The following IGSF21 variants were observed in gnomAD, a reference collection of about 807,000 sequenced individuals.
IGSF21 encodes immunoglobin superfamily member 21.
A neutral mutation model predicts 46.8 loss-of-function variants in IGSF21; 28 were observed. The observed-to-expected ratio is 0.60, with a 90% CI of 0.44 to 0.82. The LOEUF is 0.82. Among genes scored for constraint, IGSF21 ranks in the 40% least tolerant of loss-of-function variants. The pLI is 0.00. For missense variants in IGSF21, 624 were observed against 665.5 expected (o/e 0.94, Z 0.69); for synonymous variants, 284 against 273.6 (o/e 1.04, Z -0.38).
chr1:18,228,931 G>A (rs2084596839), intron 2 of IGSF21, among the ~76,000 whole-genome samples: 1 of 152,228 alleles, frequency 6.6e-6, no homozygotes, highest in Admixed American at 6.5e-5. Context: ...ATGGCTGTGT[G>A]TCAATGAAAC....
Position 18,306,433 on chromosome 1 carries a change from G to T in IGSF21, c.305+14446G>T, listed in dbSNP as rs545937549. On this transcript the variant is annotated intron_variant, in intron 3 of 9. Coordinates refer to ENST00000251296, the MANE Select transcript of IGSF21 (RefSeq NM_032880.5). Reference sequence around the variant, plus strand: ...CCCATCATTCTTAACCCATTGATCCGATTTGTTTGCTTGTTTTTTAAAGCA... The same window carrying T: ...CCCATCATTCTTAACCCATTGATCCTATTTGTTTGCTTGTTTTTTAAAGCA... 1.3e-3 allele frequency among the ~76,000 whole-genome samples: 205 copies of T among 152,136 alleles called. 1 individual carries two copies. The highest frequency in any genetic ancestry group is 4.7e-3 in the African/African-American group (195 of 41,496).
At chr1:18,212,685 C>G (rs1328623168) in intron 1 of IGSF21, among the ~76,000 whole-genome samples, 1 of 152,206 alleles carries the variant, frequency 6.6e-6, no homozygotes, top group East Asian at 1.9e-4. Flanking sequence ...AGGGGGGGTC[C>G]TGGCCCCTCT....
chr1:18,300,457 T>G (rs927948214), intron 3 of IGSF21, among the ~76,000 whole-genome samples: 3 of 152,232 alleles, frequency 2.0e-5, no homozygotes, highest in African/African-American at 7.2e-5. Context: ...GCCAGACCAC[T>G]TTTAATTGAA....
At chr1:18,117,515 C>G (rs1342571) in intron 1 of IGSF21, among the ~76,000 whole-genome samples, 4 of 152,148 alleles carry the variant, frequency 2.6e-5, no homozygotes, top group Middle Eastern at 6.8e-3. Flanking sequence ...TTTCTTCAAC[C>G]GCACTTGTCA....
At chr1:18,278,361 TCCTGA>T (rs2085124342) in intron 2 of IGSF21, among the ~76,000 whole-genome samples, 1 of 151,956 alleles carries the variant, frequency 6.6e-6, no homozygotes, top group Non-Finnish European at 1.5e-5. Context: ...TGCCTCAGCC[TCCTGA>T]GTAGCTGGGA....
intron 1 of IGSF21, among the ~76,000 whole-genome samples, chr1:18,172,064 A>T (rs2086742319): frequency 1.3e-5 from 2 of 152,228 alleles, no homozygotes; most frequent in Non-Finnish European, 2.9e-5. Context: ...CCTTGCAGCC[A>T]TGCTTACAGG....
intron 3 of IGSF21, among the ~76,000 whole-genome samples, chr1:18,331,216 C>T (rs967934125): frequency 6.6e-6 from 1 of 152,146 alleles, no homozygotes; most frequent in East Asian, 1.9e-4. Context: ...ATCACCCGAG[C>T]AGTATGCCCT....
Position 18,365,248 on chromosome 1 carries a change from C to G in IGSF21, c.566C>G (p.Pro189Arg). The G allele has an allele frequency of 2.5e-6, 4 of 1,605,132 alleles. No homozygotes were observed. Among genetic ancestry groups the G allele is most frequent in the Non-Finnish European group, 3.4e-6 (4 of 1,174,538 alleles). The part of the protein sequence containing the change: ...PMVYFKRDGE[P>R]IDAVPLSEPP... ...GTTTATTTCAAACGAGATGGGGAAC[C>G]AATCGACGCAGTGCCCCTATCAGAG... The change falls in exon 6 of 10, where the codon CCA becomes CGA. Residue 189 changes from proline to arginine, a missense_variant. Physicochemically the swap from Pro to Arg is moderately radical, Grantham distance 103. Transcript: ENST00000251296. This position sits in a 1 kb window ranked among gnomAD's most constrained non-coding sequence, Gnocchi z 4.8.
intron 5 of IGSF21, 99 bp downstream of exon 5, chr1:18,362,329 A>G (rs1318276318): frequency 4.7e-6 from 4 of 855,472 alleles, no homozygotes; most frequent in African/African-American, 1.7e-5. Flanking sequence ...CTGGAAAGGG[A>G]GTGGTTGGCC....
At chr1:18,192,516 T>C (rs1229623972) in intron 1 of IGSF21, among the ~76,000 whole-genome samples, 1 of 152,226 alleles carries the variant, frequency 6.6e-6, no homozygotes, top group Non-Finnish European at 1.5e-5. Context: ...CTACTGGTGT[T>C]GTCCTGTGAC....
chr1:18,134,204 T>C (rs1004319954), intron 1 of IGSF21, among the ~76,000 whole-genome samples: 14 of 152,154 alleles, frequency 9.2e-5, no homozygotes, highest in African/African-American at 3.1e-4. Context: ...TGGCCCCCCT[T>C]AACCCTCCTC....
chr1:18,282,461 G>A (rs1053319334), intron 2 of IGSF21, among the ~76,000 whole-genome samples: 21 of 152,086 alleles, frequency 1.4e-4, no homozygotes, highest in Non-Finnish European at 2.6e-4. Context: ...TGCTGCATGG[G>A]AGGTGGAGAA....
chr1:18,278,871 A>G (rs995961223), intron 2 of IGSF21: 1 of 471,560 alleles, frequency 2.1e-6, no homozygotes, highest in Non-Finnish European at 4.4e-6. Context: ...TCACATTTTA[A>G]TTGTGGAAGC....
intron 4 of IGSF21, among the ~76,000 whole-genome samples, chr1:18,353,108 A>G (rs1439101760): frequency 6.6e-6 from 1 of 151,000 alleles, no homozygotes; most frequent in Non-Finnish European, 1.5e-5. Context: ...CTCTCCTGTC[A>G]CTGATGGCGG....
chr1:18,335,054 C>T lies in IGSF21; in HGVS notation c.424+44C>T, dbSNP rs375968096. The T allele has an allele frequency of 5.9e-5, 86 of 1,456,360 alleles. No individual in the cohort carries two copies. The highest frequency in any genetic ancestry group is 1.7e-4 in the Middle Eastern group (1 of 5,756). The allele number at this position is 1,456,360 out of a possible 1,614,324, so 90.2% of individuals were successfully genotyped here. ...GCCCCTGGTGTCTCAGTGAGGAGGA[C>T]GAGTATGCTTGAGTGTGTGAATGTG... On this transcript the variant is annotated intron_variant, in intron 4 of 9. Coordinates refer to ENST00000251296, the MANE Select transcript of IGSF21 (RefSeq NM_032880.5). The surrounding 1 kb of genome is among the most constrained non-coding windows in gnomAD (Gnocchi z 4.8).
intron 2 of IGSF21, among the ~76,000 whole-genome samples, chr1:18,239,169 C>T (rs1022613430): frequency 1.3e-5 from 2 of 152,114 alleles, no homozygotes; most frequent in Non-Finnish European, 2.9e-5. Flanking sequence ...TTCCTATGCC[C>T]TGTTGGGTTT....
chr1:18,270,053 ACCCCGGGC>A (rs1456895951), intron 2 of IGSF21, among the ~76,000 whole-genome samples: 1 of 152,066 alleles, frequency 6.6e-6, no homozygotes, highest in African/African-American at 2.4e-5. Context: ...TTTCTCAAGG[ACCCCGGGC>A]CCCAAGGCAG....
intron 6 of IGSF21, among the ~76,000 whole-genome samples, chr1:18,371,704 G>T (rs1327669098): frequency 6.6e-6 from 1 of 152,134 alleles, no homozygotes; most frequent in Non-Finnish European, 1.5e-5. Flanking sequence ...GGCCTATGAA[G>T]AATGGAAATT....
chr1:18,346,344 G>A (rs1185600143), intron 4 of IGSF21, among the ~76,000 whole-genome samples: 2 of 152,090 alleles, frequency 1.3e-5, no homozygotes, highest in Non-Finnish European at 2.9e-5. Flanking sequence ...GGAAACTGAA[G>A]GTAATCATGC....
Sources: gnomAD v4.1 joint callset for allele counts (sites outside exome capture counted in the v4.1 genomes callset) on GRCh38, gnomAD v4.1.1 for gene constraint, Gnocchi (gnomAD v3.1) non-coding constraint, MANE v1.5 for transcripts, NCBI Gene and HGNC (gene_info 2026-07-23, HGNC 2026-07-21) for gene names.